Variants in ADD3 observed in about 807,000 individuals in gnomAD.
ADD3 encodes the protein gamma-adducin.
A neutral mutation model predicts 80.2 loss-of-function variants in ADD3; 25 were observed. The observed-to-expected ratio is 0.31, with a 90% CI of 0.23 to 0.44. The LOEUF (loss-of-function observed/expected upper bound fraction) is 0.44, where lower values mean the gene tolerates loss of function less well. ADD3 is among the 20% of genes least tolerant of loss of function. The pLI, the probability that ADD3 is intolerant of heterozygous loss-of-function variation, is 1.00. For missense variants in ADD3, 829 were observed against 847.5 expected (o/e 0.98, Z 0.27); for synonymous variants, 284 against 289.6 (o/e 0.98, Z 0.20).
At chr10:110,094,056 C>G (rs896784595) in intron 1 of ADD3, among the ~76,000 whole-genome samples, 6 of 152,116 alleles carry the variant, frequency 3.9e-5, no homozygotes, top group African/African-American at 1.4e-4. Context: ...GTCAAATAAA[C>G]CACCATTATA....
intron 3 of ADD3, among the ~76,000 whole-genome samples, chr10:110,115,750 G>A (rs1056631132): frequency 6.6e-5 from 10 of 152,186 alleles, no homozygotes; most frequent in African/African-American, 2.2e-4. Context: ...GTTGAACTTG[G>A]TAACAGCTGA....
chr10:110,126,344 A>G, intron 11 of ADD3, 73 bp from the exon 12 acceptor site: 5 of 1,146,000 alleles, frequency 4.4e-6, no homozygotes, highest in Middle Eastern at 4.0e-4. Flanking sequence ...GTAAGCTTTT[A>G]TGAAAAGATA....
chr10:110,120,341 T>C (rs1851321085), intron 8 of ADD3, among the ~76,000 whole-genome samples: 1 of 149,502 alleles, frequency 6.7e-6, no homozygotes, highest in Non-Finnish European at 1.5e-5. Context: ...TTTTTGTTCT[T>C]GTGATAGTTT....
intron 1 of ADD3, 61 bp downstream of exon 1, chr10:110,008,360 C>A (rs1489936222): frequency 6.6e-6 from 1 of 152,436 alleles, no homozygotes; most frequent in Non-Finnish European, 1.5e-5. Context: ...GGGACGCGGG[C>A]ACCCGCGCGG....
Position 110,051,532 on chromosome 10 carries a change from T to C in ADD3, c.-30+43233T>C, listed in dbSNP as rs529097830. On this transcript the variant is annotated intron_variant, in intron 1 of 14. Coordinates refer to ENST00000356080, the MANE Select transcript of ADD3 (RefSeq NM_016824.5). Reference sequence around the variant, plus strand: ...TGCCTGTTATAGGGAATTTGCTAAATAGTGATATATCCATACAGTGGAATA... The same window carrying C: ...TGCCTGTTATAGGGAATTTGCTAAACAGTGATATATCCATACAGTGGAATA... Among the ~76,000 whole-genome samples the C allele has an allele frequency of 7.2e-5, 11 of 152,332 alleles. No individual in the cohort carries two copies. In the South Asian group the frequency reaches 2.1e-3, roughly 29 times the overall value.
intron 2 of ADD3, among the ~76,000 whole-genome samples, chr10:110,111,788 C>T (rs1423493195): frequency 1.3e-5 from 2 of 152,040 alleles, no homozygotes; most frequent in Admixed American, 6.5e-5. Context: ...TGGCGCATGC[C>T]TGTAATCCCA....
chr10:110,080,603 T>A (rs541986315), intron 1 of ADD3, among the ~76,000 whole-genome samples: 204 of 152,360 alleles, frequency 1.3e-3, no homozygotes, highest in African/African-American at 4.3e-3. Context: ...ATCCTTTTTA[T>A]CAAGCTTGAA....
At chr10:110,033,113 A>T (rs1855248965) in intron 1 of ADD3, among the ~76,000 whole-genome samples, 1 of 152,240 alleles carries the variant, frequency 6.6e-6, no homozygotes, top group Non-Finnish European at 1.5e-5. Flanking sequence ...AATGTGTGTG[A>T]GCACAGTGTT....
In ADD3 at chr10:110,125,948, A is replaced by G. The variant is rs1280736677; in HGVS notation, c.1521+3A>G. The G allele has an allele frequency of 1.9e-6, 3 of 1,602,424 alleles. No individual in the cohort carries two copies. Among genetic ancestry groups the G allele is most frequent in the African/African-American group, 2.7e-5 (2 of 74,600 alleles). On this transcript the variant is annotated splice_donor_region_variant and intron_variant, in intron 11 of 14. Coordinates refer to ENST00000356080, the MANE Select transcript of ADD3 (RefSeq NM_016824.5). ...AGGTACTAGAAAAGAGAAATAAGGT[A>G]AGACATGGTCTTCTATAGCCAGGGG...
At chr10:110,067,376 C>T (rs928184010) in intron 1 of ADD3, among the ~76,000 whole-genome samples, 1 of 152,158 alleles carries the variant, frequency 6.6e-6, no homozygotes, top group African/African-American at 2.4e-5. Flanking sequence ...TTTTTATAAA[C>T]TTTAAAGCAA....
intron 1 of ADD3, among the ~76,000 whole-genome samples, chr10:110,052,436 C>T (rs1020500754): frequency 3.9e-5 from 6 of 152,184 alleles, no homozygotes; most frequent in Admixed American, 3.3e-4. Flanking sequence ...ATTAGATTCT[C>T]ATAGGGGCCC....
chr10:110,086,290 G>T (rs1392436917), intron 1 of ADD3, among the ~76,000 whole-genome samples: 1 of 150,866 alleles, frequency 6.6e-6, no homozygotes, highest in Non-Finnish European at 1.5e-5. Flanking sequence ...CGTGCCTGTA[G>T]TCCCAGCTAC....
intron 10 of ADD3, 23 bp from the exon 11 acceptor site, chr10:110,125,803 T>G (rs759652938): frequency 3.9e-6 from 6 of 1,552,698 alleles, no homozygotes; most frequent in Non-Finnish European, 5.3e-6. Flanking sequence ...AAGCTTCATT[T>G]TAGAAAATTT....
intron 1 of ADD3, among the ~76,000 whole-genome samples, chr10:110,011,904 C>T (rs1297425800): frequency 2.0e-5 from 3 of 152,192 alleles, no homozygotes; most frequent in Non-Finnish European, 4.4e-5. Context: ...TGGCCAAATG[C>T]CAAGACAGTC....
intron 1 of ADD3, among the ~76,000 whole-genome samples, chr10:110,042,682 G>T (rs1856500170): frequency 9.7e-6 from 1 of 103,558 alleles, no homozygotes; most frequent in East Asian, 3.2e-4. Flanking sequence ...GTTTTGTCTG[G>T]TGCTGTTTTT....
intron 2 of ADD3, among the ~76,000 whole-genome samples, chr10:110,106,720 T>A (rs1478635043): frequency 3.3e-5 from 5 of 152,114 alleles, no homozygotes; most frequent in Admixed American, 1.3e-4. Flanking sequence ...ACCTAGTGAT[T>A]TTTTTACCAT....
At chr10:110,004,237 TA>T (rs934814184), upstream of ADD3, among the ~76,000 whole-genome samples, 42 of 145,682 alleles carry the variant, frequency 2.9e-4, no homozygotes, top group Non-Finnish European at 3.0e-4. Context: ...TAGGAGGCAT[TA>T]AAAAAAAAAA....
intron 1 of ADD3, among the ~76,000 whole-genome samples, chr10:110,065,544 T>TTTTTTTTC (rs1554928299): frequency 1.3e-4 from 10 of 76,508 alleles, no homozygotes; most frequent in African/African-American, 5.3e-4. Context: ...CTCCCCTTTT[T>TTTTTTTTC]TTTTTTTTTT....
In ADD3 at chr10:110,125,909, C is replaced by T; in HGVS notation, c.1485C>T (p.Asn495=). 1 of 1,609,118 alleles carries T rather than the reference C, an allele frequency of 6.2e-7. No homozygotes were observed. The highest frequency in any genetic ancestry group is 1.3e-5 in the African/African-American group (1 of 74,938). ...IEDPNQFVPL[N]TNPNEVLEKR... ...ATCCAAATCAGTTTGTTCCTTTAAA[C>T]ACAAACCCGAATGAGGTACTAGAAA... The change falls in exon 11 of 15, where the codon AAC becomes AAT. Residue 495 remains asparagine, a synonymous_variant. Transcript: ENST00000356080.
Sources: allele counts gnomAD v4.1 joint callset (sites outside exome capture counted in the v4.1 genomes callset), GRCh38; gene constraint gnomAD v4.1.1; transcripts MANE v1.5; gene names NCBI Gene and HGNC (gene_info 2026-07-23, HGNC 2026-07-21).